Variants in PCLO observed in about 807,000 individuals in gnomAD.
The protein encoded by PCLO is protein piccolo.
In PCLO, 82 loss-of-function variants were observed where a neutral mutation model predicts 427.5. The ratio of observed to expected loss-of-function variants is 0.19; its 90% CI spans 0.16 to 0.23. The LOEUF (loss-of-function observed/expected upper bound fraction) is 0.23, where lower values mean the gene tolerates loss of function less well. Among genes scored for constraint, PCLO ranks in the 10% least tolerant of loss-of-function variants. The pLI is 1.00. For synonymous variants in PCLO, 2,357 were observed against 2,155.4 expected (o/e 1.09, Z -2.59); for missense variants, 6,239 against 6,115.9 (o/e 1.02, Z -0.67).
chr7:82,824,126 G>A, intron 19 of PCLO, 110 bp downstream of exon 19: 1 of 683,974 alleles, frequency 1.5e-6, no homozygotes, highest in Non-Finnish European at 2.4e-6. Context: ...GTATTTTCCA[G>A]TCGTGTCTAA....
At chr7:82,936,793 T>G (rs1584181514) in intron 6 of PCLO, among the ~76,000 whole-genome samples, 1 of 151,726 alleles carries the variant, frequency 6.6e-6, no homozygotes, top group Non-Finnish European at 1.5e-5. Flanking sequence ...CTGTGGCATA[T>G]AGAATAAAAT....
chr7:82,901,990 A>C (rs544648895), intron 9 of PCLO, among the ~76,000 whole-genome samples: 29 of 151,716 alleles, frequency 1.9e-4, no homozygotes, highest in African/African-American at 6.3e-4. Context: ...ACTGTAAACT[A>C]GTTCAACCAT....
chr7:83,119,798 A>G (rs1199259085), intron 3 of PCLO, among the ~76,000 whole-genome samples: 1 of 146,858 alleles, frequency 6.8e-6, no homozygotes. Context: ...AAGATAACAC[A>G]GAGAATATAC....
chr7:82,977,305 T>G (rs2115744959), intron 3 of PCLO, among the ~76,000 whole-genome samples: 1 of 151,820 alleles, frequency 6.6e-6, no homozygotes, highest in African/African-American at 2.4e-5. Flanking sequence ...TTTTGAACAA[T>G]ATATGAATAG....
In PCLO at chr7:82,954,017, G is replaced by T; in HGVS notation, c.6936C>A (p.Ile2312=). Residue 2312 remains isoleucine (I), a synonymous_variant, in exon 5 of 25, where the codon ATC becomes ATA. Transcript: ENST00000333891. ...TGTAAGCTTCCAAAACTTCCAGAAT[G>T]ATTCCATTCCCAGTTTCCTTCTTGG... ...KKAKKETGNG[I]ILEVLEAYRD... is the part of the protein sequence containing the mutation. The T allele has an allele frequency of 9.9e-6, 16 of 1,613,878 alleles. No homozygotes were observed. Among genetic ancestry groups the T allele is most frequent in the Non-Finnish European group, 1.4e-5 (16 of 1,179,864 alleles).
Position 82,952,655 on chromosome 7 carries a change from T to C in PCLO, c.8298A>G (p.Lys2766=), listed in dbSNP as rs200649027. The C allele has an allele frequency of 6.3e-5, 102 of 1,613,940 alleles. 1 individual carries two copies. The African/African-American group carries it at 1.1e-3, about 17-fold the overall frequency. Reference sequence around the variant, plus strand: ...TAGAGGGTTGGACAGCACTAATTTGTTTCCCATAAACTTCATTTGCTGTGA... The same window carrying C: ...TAGAGGGTTGGACAGCACTAATTTGCTTCCCATAAACTTCATTTGCTGTGA... ...RQITANEVYG[K]QISAVQPSII... Residue 2766 remains lysine (K), a synonymous_variant, in exon 5 of 25, where the codon AAA becomes AAG. Transcript: ENST00000333891.
chr7:83,021,438 T>C (rs1036901664), intron 3 of PCLO, among the ~76,000 whole-genome samples: 1 of 152,184 alleles, frequency 6.6e-6, no homozygotes, highest in Non-Finnish European at 1.5e-5. Flanking sequence ...TTATGTAAAG[T>C]TTATGGTCCT....
intron 10 of PCLO, among the ~76,000 whole-genome samples, chr7:82,869,706 G>C (rs543202644): frequency 4.6e-5 from 7 of 152,014 alleles, no homozygotes; most frequent in African/African-American, 1.7e-4. Context: ...ATGACAGATG[G>C]GACTAGCAGA....
chr7:83,159,345 C>A (rs1328755037), intron 1 of PCLO, among the ~76,000 whole-genome samples: 1 of 152,002 alleles, frequency 6.6e-6, no homozygotes, highest in Non-Finnish European at 1.5e-5. Flanking sequence ...TCAGTTCAGT[C>A]AGAATTCTTA....
At chr7:82,997,940 T>C (rs1177148446) in intron 3 of PCLO, among the ~76,000 whole-genome samples, 1 of 151,998 alleles carries the variant, frequency 6.6e-6, no homozygotes, top group East Asian at 1.9e-4. Flanking sequence ...AGCGTGGAAG[T>C]CACTACTTCA....
chr7:82,811,032 C>T (rs1223168982), intron 20 of PCLO, among the ~76,000 whole-genome samples: 1 of 151,640 alleles, frequency 6.6e-6, no homozygotes, highest in Non-Finnish European at 1.5e-5. Context: ...GGTTTTATAT[C>T]TTTGGTCCAG....
intron 22 of PCLO, among the ~76,000 whole-genome samples, chr7:82,797,662 A>AT (rs1417937261): frequency 6.6e-6 from 1 of 152,146 alleles, no homozygotes; most frequent in African/African-American, 2.4e-5. Flanking sequence ...TACAACACTT[A>AT]TTTTTGCTTT....
At chr7:82,868,239 C>A (rs1433905249) in intron 10 of PCLO, 5 of 456,392 alleles carry the variant, frequency 1.1e-5, no homozygotes, top group African/African-American at 1.0e-4. Flanking sequence ...TAGAGACTTT[C>A]TTGCCTAGGA....
rs1410508467 is a variant in PCLO at position 82,954,169 on chromosome 7, T to C, written c.6784A>G (p.Ile2262Val). 6.2e-7 allele frequency: 1 copy of C among 1,613,816 alleles called. No individual in the cohort carries two copies. Among genetic ancestry groups the C allele is most frequent in the Admixed American group, 1.7e-5 (1 of 60,018 alleles). The change falls in exon 5 of 25, where the codon ATT (isoleucine) becomes GTT (valine). Residue 2262 changes from isoleucine to valine, a missense_variant. Ile to Val is a conservative substitution (Grantham distance 29, BLOSUM62 3). Transcript: ENST00000333891. ...GCCATATCAGATAAGGAAATAACAATATGATCAGCACTAGCTCTACCATCT... is the reference window on the plus strand; with the variant it reads ...GCCATATCAGATAAGGAAATAACAACATGATCAGCACTAGCTCTACCATCT... ...PPDGRASADH[I>V]VISLSDMASS...
intron 4 of PCLO, among the ~76,000 whole-genome samples, chr7:82,963,578 G>T (rs1396768706): frequency 2.6e-5 from 4 of 151,806 alleles, no homozygotes; most frequent in African/African-American, 9.7e-5. Flanking sequence ...GAACATCCAA[G>T]CATCAAAATA....
chr7:82,930,527 C>G (rs1300439590), intron 6 of PCLO, among the ~76,000 whole-genome samples: 1 of 151,948 alleles, frequency 6.6e-6, no homozygotes, highest in Non-Finnish European at 1.5e-5. Context: ...CCAAATTATC[C>G]AAGAGGTAAA....
chr7:82,834,718 A>C lies in PCLO; in HGVS notation c.14249+949T>G, dbSNP rs567680468. 3.3e-5 allele frequency among the ~76,000 whole-genome samples: 5 copies of C among 152,266 alleles called. No homozygotes were observed. The South Asian group carries it at 1.0e-3, about 32-fold the overall frequency. On this transcript the variant is annotated intron_variant, in intron 16 of 24. Coordinates refer to ENST00000333891, the MANE Select transcript of PCLO (RefSeq NM_033026.6). ...ATAATGCTTTTGGCTATGTACTAAG[A>C]AATTGTCTTAGTTGACAGTGTAATG...
chr7:82,822,040 G>GT, intron 20 of PCLO: 1 of 991,656 alleles, frequency 1.0e-6, no homozygotes, highest in Non-Finnish European at 1.2e-6. Context: ...CTTTTTGAGT[G>GT]TTTTCAGATA....
chr7:83,078,625 G>A lies in PCLO; in HGVS notation c.3300+55625C>T, dbSNP rs577862823. 8.6e-4 allele frequency among the ~76,000 whole-genome samples: 130 copies of A among 151,840 alleles called. 5 individuals are homozygous for A. In the South Asian group the frequency reaches 0.026, roughly 31 times the overall value. On this transcript the variant is annotated intron_variant, in intron 3 of 24. Coordinates refer to ENST00000333891, the MANE Select transcript of PCLO (RefSeq NM_033026.6). Reference sequence around the variant, plus strand: ...CAGCTCACTGCAACCTCCACCTCCCGGGTTCAAGCAATTCTCCTGCCTCAG... The same window carrying A: ...CAGCTCACTGCAACCTCCACCTCCCAGGTTCAAGCAATTCTCCTGCCTCAG...
Sources: allele counts gnomAD v4.1 joint callset (sites outside exome capture counted in the v4.1 genomes callset), GRCh38; gene constraint gnomAD v4.1.1; transcripts MANE v1.5; gene names NCBI Gene and HGNC (gene_info 2026-07-23, HGNC 2026-07-21).